The following RAPGEF1 variants were observed in gnomAD, a reference collection of about 807,000 sequenced individuals.
RAPGEF1 encodes the protein Rap guanine nucleotide exchange factor 1.
Under a neutral mutation model 143.3 loss-of-function variants are expected in RAPGEF1, and 33 were observed. The ratio of observed to expected loss-of-function variants is 0.23; its 90% CI spans 0.17 to 0.31. The LOEUF (loss-of-function observed/expected upper bound fraction) is 0.31, where lower values mean the gene tolerates loss of function less well. Ranked by LOEUF, RAPGEF1 falls within the 10% of genes least tolerant of loss-of-function variation. The pLI, the probability that RAPGEF1 is intolerant of heterozygous loss-of-function variation, is 1.00. For missense variants in RAPGEF1, 1,199 were observed against 1,645.4 expected, an observed-to-expected ratio of 0.73 and a Z score of 4.69; for synonymous variants, 629 against 676.5, an observed-to-expected ratio of 0.93 and a Z score of 1.09.
At chr9:131,695,075 T>C (rs1834060522) in intron 1 of RAPGEF1, among the ~76,000 whole-genome samples, 1 of 151,748 alleles carries the variant, frequency 6.6e-6, no homozygotes. Flanking sequence ...ATTGTGTATT[T>C]TCACCTACTA....
chr9:131,590,577 C>T (rs546706914), intron 18 of RAPGEF1, among the ~76,000 whole-genome samples: 11 of 152,304 alleles, frequency 7.2e-5, no homozygotes, highest in South Asian at 2.1e-4. Flanking sequence ...GCCCTGAGGT[C>T]GGGCTCTGCT....
chr9:131,726,791 CTT>C (rs772888075), intron 1 of RAPGEF1, among the ~76,000 whole-genome samples: 1 of 152,090 alleles, frequency 6.6e-6, no homozygotes, highest in Non-Finnish European at 1.5e-5. Context: ...ACGCACAAAA[CTT>C]TATACCCCAC....
chr9:131,708,118 ACT>A (rs1835214075), intron 1 of RAPGEF1, among the ~76,000 whole-genome samples: 1 of 152,208 alleles, frequency 6.6e-6, no homozygotes, highest in African/African-American at 2.4e-5. Flanking sequence ...CATCCCACCT[ACT>A]TTCTTTTTAA....
At chr9:131,586,150 T>G (rs906853676) in intron 22 of RAPGEF1, among the ~76,000 whole-genome samples, 6 of 151,780 alleles carry the variant, frequency 4.0e-5, no homozygotes, top group African/African-American at 1.5e-4. Context: ...GAGCCGAGAT[T>G]GCGCCACTGC....
chr9:131,582,193 G>A (rs3780269), intron 25 of RAPGEF1, among the ~76,000 whole-genome samples: 35,745 of 151,962 alleles, frequency 0.24, 5,350 homozygotes, highest in Non-Finnish European at 0.33. Context: ...TGCATCCTCA[G>A]GTTGTTCTAA....
chr9:131,716,022 C>T (rs754593664), intron 1 of RAPGEF1, among the ~76,000 whole-genome samples: 5 of 152,124 alleles, frequency 3.3e-5, no homozygotes, highest in African/African-American at 9.7e-5. Context: ...ACAGCTAGCC[C>T]GCCGACCCAC....
At chr9:131,617,747 C>T (rs1309024841) in intron 12 of RAPGEF1, among the ~76,000 whole-genome samples, 3 of 152,120 alleles carry the variant, frequency 2.0e-5, no homozygotes, top group Non-Finnish European at 4.4e-5. Context: ...AAATATGAGG[C>T]AAGTAAAATC....
At chr9:131,596,134 G>C (rs568682417) in intron 17 of RAPGEF1, among the ~76,000 whole-genome samples, 164 bp downstream of exon 17, 2 of 152,168 alleles carry the variant, frequency 1.3e-5, no homozygotes, top group Non-Finnish European at 2.9e-5. Context: ...TGATCTACTT[G>C]TCTTCCAAGG....
At chr9:131,721,186 G>C (rs1418890077) in intron 1 of RAPGEF1, among the ~76,000 whole-genome samples, 1 of 152,170 alleles carries the variant, frequency 6.6e-6, no homozygotes, top group Admixed American at 6.5e-5. Context: ...TCTCCAGTGC[G>C]AATTTGTGGA....
chr9:131,581,185 A>G (rs1458595623), intron 25 of RAPGEF1, among the ~76,000 whole-genome samples: 1 of 146,170 alleles, frequency 6.8e-6, no homozygotes, highest in Non-Finnish European at 1.5e-5. Context: ...AAAAAAAAAA[A>G]GAGTTTGAAA....
chr9:131,664,834 T>G (rs774637562), intron 1 of RAPGEF1, among the ~76,000 whole-genome samples: 2 of 152,262 alleles, frequency 1.3e-5, no homozygotes, highest in Non-Finnish European at 2.9e-5. Flanking sequence ...ATATTCAATT[T>G]CAGGATTTTT....
At chr9:131,620,555 G>T (rs1960578363) in intron 11 of RAPGEF1, among the ~76,000 whole-genome samples, 1 of 152,190 alleles carries the variant, frequency 6.6e-6, no homozygotes, top group East Asian at 1.9e-4. Flanking sequence ...GGCAGGTGAG[G>T]ATCTGAGACT....
intron 25 of RAPGEF1, among the ~76,000 whole-genome samples, chr9:131,581,605 G>C (rs182602544): frequency 6.6e-6 from 1 of 151,854 alleles, no homozygotes; most frequent in Non-Finnish European, 1.5e-5. Context: ...AGGAGGCTGA[G>C]GTGGGAGAAC....
intron 12 of RAPGEF1, among the ~76,000 whole-genome samples, chr9:131,616,787 C>T (rs1185031247): frequency 6.6e-6 from 1 of 152,172 alleles, no homozygotes; most frequent in East Asian, 1.9e-4. Context: ...TAATCCAAAG[C>T]TCTATGTCTG....
At chr9:131,623,496 T>C (rs1961905866) in intron 10 of RAPGEF1, among the ~76,000 whole-genome samples, 1 of 152,234 alleles carries the variant, frequency 6.6e-6, no homozygotes, top group Non-Finnish European at 1.5e-5. Context: ...GAGGTCTTTC[T>C]GAACTCTTGA....
Position 131,628,401 on chromosome 9 carries a change from G to A in RAPGEF1, c.1017+148C>T. 1 of 1,152,854 alleles carries A rather than the reference G, an allele frequency of 8.7e-7. No homozygotes were observed. The highest frequency in any genetic ancestry group is 1.2e-6 in the Non-Finnish European group (1 of 834,358). The allele number at this position is 1,152,854 out of a possible 1,614,324, so 71.4% of individuals were successfully genotyped here. ...GGGAACTTGGACCGTGTCCTGGAGA[G>A]AGAGGGATGGGTACAAGGTCTCGCA... On this transcript the variant is annotated intron_variant, in intron 8 of 26. Coordinates refer to ENST00000683357, the MANE Select transcript of RAPGEF1 (RefSeq NM_001377935.1). This position sits in a 1 kb window ranked among gnomAD's most constrained non-coding sequence, Gnocchi z 5.7.
At chr9:131,712,915 T>C (rs968693845) in intron 1 of RAPGEF1, among the ~76,000 whole-genome samples, 4 of 152,000 alleles carry the variant, frequency 2.6e-5, no homozygotes, top group Admixed American at 6.6e-5. Context: ...TCCTCTCTAA[T>C]CCCCAGCTCA....
chr9:131,623,301 A>C (rs1009166735), intron 10 of RAPGEF1, among the ~76,000 whole-genome samples: 4 of 145,622 alleles, frequency 2.7e-5, no homozygotes, highest in Non-Finnish European at 4.4e-5. Context: ...GTCTCTAAAA[A>C]GAAAAAAGAA....
chr9:131,597,693 G>A (rs888115827), intron 16 of RAPGEF1, among the ~76,000 whole-genome samples: 8 of 152,200 alleles, frequency 5.3e-5, no homozygotes, highest in African/African-American at 1.9e-4. Context: ...CAGGACCAGG[G>A]AATCCACAGT....
Sources: gnomAD v4.1 joint callset for allele counts (sites outside exome capture counted in the v4.1 genomes callset) on GRCh38, gnomAD v4.1.1 for gene constraint, Gnocchi (gnomAD v3.1) non-coding constraint, MANE v1.5 for transcripts, NCBI Gene and HGNC (gene_info 2026-07-23, HGNC 2026-07-21) for gene names.